Variants in RORA observed in about 807,000 individuals in gnomAD.
The protein encoded by RORA is RAR related orphan receptor A, also known as nuclear receptor ROR-alpha.
In RORA, 7 loss-of-function variants were observed where a neutral mutation model predicts 69.5. The ratio of observed to expected loss-of-function variants is 0.10; its 90% CI spans 0.06 to 0.19. The LOEUF is 0.19. RORA is among the 10% of genes least tolerant of loss of function. RORA has a pLI of 1.00. For missense variants in RORA, 457 were observed against 663.0 expected (o/e 0.69, Z 3.41); for synonymous variants, 261 against 240.8 (o/e 1.08, Z -0.78).
At chr15:61,078,351 G>GTGTGTGTA (rs1332287348) in intron 1 of RORA, among the ~76,000 whole-genome samples, 1 of 151,246 alleles carries the variant, frequency 6.6e-6, no homozygotes, top group East Asian at 2.0e-4. Flanking sequence ...GTGTGTGTGT[G>GTGTGTGTA]TGTGTGTGTG....
chr15:60,619,532 C>T (rs534517572), intron 2 of RORA, among the ~76,000 whole-genome samples: 1 of 152,266 alleles, frequency 6.6e-6, no homozygotes, highest in African/African-American at 2.4e-5. Flanking sequence ...ATAAGAATAT[C>T]ATAACATATA....
chr15:61,199,818 T>C (rs1012676176), intron 1 of RORA, among the ~76,000 whole-genome samples: 38 of 152,214 alleles, frequency 2.5e-4, no homozygotes, highest in African/African-American at 8.7e-4. Context: ...CAATGGCATA[T>C]ACCTGACTGA....
At chr15:61,052,114 G>C (rs1173631964) in intron 1 of RORA, among the ~76,000 whole-genome samples, 1 of 152,220 alleles carries the variant, frequency 6.6e-6, no homozygotes, top group Non-Finnish European at 1.5e-5. Flanking sequence ...ATCCCAGAGT[G>C]CAAGAGTTAA....
chr15:61,032,923 T>C (rs1196994956), intron 1 of RORA, among the ~76,000 whole-genome samples: 2 of 152,212 alleles, frequency 1.3e-5, no homozygotes, highest in Non-Finnish European at 2.9e-5. Context: ...ATAGCTATAA[T>C]TTATTGACTG....
chr15:60,776,720 G>C (rs561599886), intron 1 of RORA, among the ~76,000 whole-genome samples: 3 of 152,244 alleles, frequency 2.0e-5, no homozygotes, highest in African/African-American at 7.2e-5. Flanking sequence ...TTCTTGTAAA[G>C]AGTCCTTAAA....
rs200654111 is a variant in RORA at position 60,505,604 on chromosome 15, T to C, written c.846A>G (p.Lys282=). The C allele has an allele frequency of 9.3e-6, 15 of 1,613,896 alleles. No homozygotes were observed. The highest frequency in any genetic ancestry group is 2.7e-5 in the African/African-American group (2 of 74,936). ...AGTATTGGCAGGTTTCCAGATGCGA[T>C]TTAGATATATTCTGTGCAAGGTGTT... ...ELEHLAQNIS[K]SHLETCQYLR... is the part of the protein sequence containing the mutation. The change falls in exon 6 of 11, where the codon AAA becomes AAG. Residue 282 remains lysine, a synonymous_variant. Transcript: ENST00000335670.
chr15:61,018,136 C>T (rs1030726444), intron 1 of RORA, among the ~76,000 whole-genome samples: 1 of 152,198 alleles, frequency 6.6e-6, no homozygotes, highest in Non-Finnish European at 1.5e-5. Flanking sequence ...TTATAATTTA[C>T]TATGCATAGT....
chr15:60,809,872 C>T (rs957700598), intron 1 of RORA, among the ~76,000 whole-genome samples: 4 of 151,938 alleles, frequency 2.6e-5, no homozygotes, highest in African/African-American at 9.7e-5. Flanking sequence ...TCCAAACTCT[C>T]CAAATGTAAG....
At chr15:60,660,558 G>A (rs1002172827) in intron 2 of RORA, among the ~76,000 whole-genome samples, 7 of 152,128 alleles carry the variant, frequency 4.6e-5, no homozygotes, top group African/African-American at 1.7e-4. Context: ...TGCATATGCT[G>A]GCAACGAGGA....
intron 1 of RORA, among the ~76,000 whole-genome samples, chr15:60,804,133 A>G (rs2072625066): frequency 6.6e-6 from 1 of 151,958 alleles, no homozygotes; most frequent in South Asian, 2.1e-4. Context: ...TACTAAAAAT[A>G]CAAAATTAGC....
At chr15:60,971,841 A>G (rs939410205) in intron 1 of RORA, among the ~76,000 whole-genome samples, 1 of 152,162 alleles carries the variant, frequency 6.6e-6, no homozygotes, top group Admixed American at 6.5e-5. Flanking sequence ...ACTTGCTCAC[A>G]TTGGGCCAGA....
chr15:61,204,836 A>G (rs1156670440), intron 1 of RORA, among the ~76,000 whole-genome samples: 1 of 152,232 alleles, frequency 6.6e-6, no homozygotes, highest in Non-Finnish European at 1.5e-5. Flanking sequence ...AGAAATAAAC[A>G]TAAAATCCTG....
At chr15:60,564,861 A>T (rs1027050929) in intron 2 of RORA, among the ~76,000 whole-genome samples, 1 of 152,164 alleles carries the variant, frequency 6.6e-6, no homozygotes, top group African/African-American at 2.4e-5. Flanking sequence ...ACCCGAACGA[A>T]AACCCTGCAA....
At chr15:60,618,064 A>G (rs1484282803) in intron 2 of RORA, among the ~76,000 whole-genome samples, 1 of 152,246 alleles carries the variant, frequency 6.6e-6, no homozygotes, top group East Asian at 1.9e-4. Flanking sequence ...ATAGACTACT[A>G]CAGGCCACAG....
At chr15:60,923,000 A>G (rs1418108643) in intron 1 of RORA, among the ~76,000 whole-genome samples, 1 of 152,240 alleles carries the variant, frequency 6.6e-6, no homozygotes, top group Non-Finnish European at 1.5e-5. Context: ...TGTATGAAAG[A>G]AGCATTTTAA....
chr15:61,087,983 G>T (rs1301643554), intron 1 of RORA, among the ~76,000 whole-genome samples: 1 of 152,242 alleles, frequency 6.6e-6, no homozygotes, highest in Non-Finnish European at 1.5e-5. Context: ...AGCTCCTAAA[G>T]TTCCAGTCAT....
intron 1 of RORA, among the ~76,000 whole-genome samples, chr15:61,075,086 CAA>C (rs879724406): frequency 2.5e-4 from 28 of 111,912 alleles, no homozygotes; most frequent in Non-Finnish European, 3.4e-4. Flanking sequence ...GACTCTATCT[CAA>C]AAAAAAAAAA....
chr15:60,643,089 G>A (rs1424753564), intron 2 of RORA, among the ~76,000 whole-genome samples: 1 of 152,164 alleles, frequency 6.6e-6, no homozygotes, highest in South Asian at 2.1e-4. Flanking sequence ...TCCGGAAGGC[G>A]AAGGTTGCAG....
At chr15:61,017,531 A>G (rs571143004) in intron 1 of RORA, among the ~76,000 whole-genome samples, 57 of 152,246 alleles carry the variant, frequency 3.7e-4, no homozygotes, top group African/African-American at 1.3e-3. Flanking sequence ...AGATGTACAT[A>G]TATATTTTAA....
Sources: gnomAD v4.1 joint callset for allele counts (sites outside exome capture counted in the v4.1 genomes callset) on GRCh38, gnomAD v4.1.1 for gene constraint, MANE v1.5 for transcripts, NCBI Gene and HGNC (gene_info 2026-07-23, HGNC 2026-07-21) for gene names.